Variants in CCDC90B observed in about 807,000 individuals in gnomAD.
CCDC90B encodes the protein coiled-coil domain containing 90B, also known as coiled-coil domain-containing protein 90B, mitochondrial.
In CCDC90B, 24 loss-of-function variants were observed where a neutral mutation model predicts 37.0. That is an observed-to-expected ratio of 0.65 (90% CI 0.47 to 0.91). The LOEUF (loss-of-function observed/expected upper bound fraction) is 0.91. Among genes scored for constraint, CCDC90B ranks in the 40% least tolerant of loss-of-function variants. The pLI, the probability that CCDC90B is intolerant of heterozygous loss-of-function variation, is 0.00. For missense variants in CCDC90B, 319 were observed against 299.0 expected, an observed-to-expected ratio of 1.07 and a Z score of -0.49; for synonymous variants, 113 against 101.1, an observed-to-expected ratio of 1.12 and a Z score of -0.71.
chr11:83,266,629 A>G (rs559308104), intron 7 of CCDC90B, among the ~76,000 whole-genome samples: 1 of 152,354 alleles, frequency 6.6e-6, no homozygotes, highest in Admixed American at 6.5e-5. Flanking sequence ...AGCCCACCAC[A>G]GCACAACAAT....
intron 1 of CCDC90B, among the ~76,000 whole-genome samples, chr11:83,284,905 G>A (rs915054699): frequency 1.4e-4 from 22 of 152,170 alleles, no homozygotes; most frequent in Admixed American, 1.2e-3. Flanking sequence ...CCATCATAAT[G>A]TGTATGTATG....
At chr11:83,269,380 T>G (rs911476819) in intron 7 of CCDC90B, among the ~76,000 whole-genome samples, 1 of 151,942 alleles carries the variant, frequency 6.6e-6, no homozygotes, top group Non-Finnish European at 1.5e-5. Context: ...GCTGGTTTTT[T>G]GAAAAGATCA....
chr11:83,265,931 C>A lies in CCDC90B; in HGVS notation c.643G>T (p.Ala215Ser). The change falls in exon 8 of 9, where the codon GCT becomes TCT. Residue 215 changes from alanine (A) to serine (S), a missense_variant. Ala to Ser is a moderately conservative substitution (Grantham distance 99). Coordinates refer to ENST00000529689, the MANE Select transcript of CCDC90B (RefSeq NM_021825.5). ...AGTGTTTTTAAGGAAGCAATTTCAGCGTCAATTTTATTACTGGTCTCTGAA... is the reference window on the plus strand; with the variant it reads ...AGTGTTTTTAAGGAAGCAATTTCAGAGTCAATTTTATTACTGGTCTCTGAA... Reference protein sequence around the residue: ...IISETSNKIDAEIASLKTLME... With the variant: ...IISETSNKIDSEIASLKTLME... 6.2e-7 allele frequency: 1 copy of A among 1,612,388 alleles called. No individual in the cohort carries two copies. The highest frequency in any genetic ancestry group is 8.5e-7 in the Non-Finnish European group (1 of 1,178,972).
intron 2 of CCDC90B, among the ~76,000 whole-genome samples, chr11:83,279,267 C>T (rs1050111560): frequency 6.0e-5 from 9 of 151,158 alleles, no homozygotes; most frequent in East Asian, 1.9e-4. Flanking sequence ...GGCAACAGAG[C>T]GAGACTCTGT....
intron 8 of CCDC90B, among the ~76,000 whole-genome samples, chr11:83,264,748 C>G (rs1355217022): frequency 6.6e-6 from 1 of 151,790 alleles, no homozygotes; most frequent in Non-Finnish European, 1.5e-5. Flanking sequence ...GAAAATGTGG[C>G]ACATATACAC....
chr11:83,263,072 T>C (rs976268697), intron 8 of CCDC90B, among the ~76,000 whole-genome samples: 4 of 152,068 alleles, frequency 2.6e-5, no homozygotes, highest in African/African-American at 9.7e-5. Flanking sequence ...CTAAGTGTAC[T>C]TGACTCCAAA....
At chr11:83,280,375 T>C in intron 1 of CCDC90B, 115 bp from the exon 2 acceptor site, 5 of 917,530 alleles carry the variant, frequency 5.4e-6, no homozygotes, top group East Asian at 5.0e-5. Context: ...CTTCTAGTTT[T>C]GTCATCTCAC....
At position 83,286,128 on chromosome 11, in the gene CCDC90B, A is replaced by ACG; in HGVS notation, c.-158_-157dup. On this transcript the variant is annotated 5_prime_UTR_variant, in exon 1 of 9. It introduces an in-frame stop codon into an upstream open reading frame of the 5' UTR. Transcript: ENST00000529689. ...CCAGCGCAGGCGCCACCGTGGTCCC[A>ACG]CGAAACTGGGTCTCTTCACAGACAG... 1 of 1,536,310 alleles carries ACG rather than the reference A, an allele frequency of 6.5e-7. No homozygotes were observed.
In CCDC90B at chr11:83,285,924, C is replaced by T; in HGVS notation, c.49G>A (p.Asp17Asn). The change falls in exon 1 of 9, where the codon GAT becomes AAT. Residue 17 changes from aspartate (D) to asparagine (N), a missense_variant. Transcript: ENST00000529689. The stretch of plus-strand genomic sequence containing the variant: ...CCGCGGGGCCTTGAAACCCAACGAT[C>T]TCCTCTGCCTTGGGAGAGAAAGAGC... ...WRLFLSQGRG[D>N]RWVSRPRGHF... 6.2e-7 allele frequency: 1 copy of T among 1,613,630 alleles called. No homozygotes were observed.
At chr11:83,285,616 G>A in intron 1 of CCDC90B, 1 of 1,340,322 alleles carries the variant, frequency 7.5e-7, no homozygotes, top group Non-Finnish European at 9.5e-7. Context: ...CAACGGCTGA[G>A]AAAGAAGCCG....
chr11:83,277,415 G>T (rs1007266361), intron 3 of CCDC90B, among the ~76,000 whole-genome samples: 1 of 152,114 alleles, frequency 6.6e-6, no homozygotes, highest in Non-Finnish European at 1.5e-5. Context: ...TGTAGGGATT[G>T]AATGTTTCAA....
rs777305873 is a variant in CCDC90B at position 83,285,996 on chromosome 11, G to A, written c.-24C>T. 1.1e-4 allele frequency: 181 copies of A among 1,597,018 alleles called. 3 individuals carry two copies. The South Asian group carries it at 1.9e-3, about 17-fold the overall frequency. ...ATGTCCTCAGAGTTTTCCGGTGGGA[G>A]GGAGGCGGAAGACGGGGTAAATCTC... On this transcript the variant is annotated 5_prime_UTR_variant, in exon 1 of 9. Transcript: ENST00000529689.
intron 7 of CCDC90B, among the ~76,000 whole-genome samples, chr11:83,270,459 A>G (rs898708859): frequency 3.3e-5 from 5 of 152,248 alleles, no homozygotes; most frequent in African/African-American, 1.2e-4. Context: ...AAGTCTCAGG[A>G]TACAAAATCA....
chr11:83,279,037 A>C (rs1026134191), intron 2 of CCDC90B, among the ~76,000 whole-genome samples: 1 of 152,162 alleles, frequency 6.6e-6, no homozygotes, highest in Non-Finnish European at 1.5e-5. Context: ...TAATCCCAGC[A>C]CTTTGGGAGG....
chr11:83,273,984 T>C lies in CCDC90B; in HGVS notation c.435A>G (p.Lys145=). ...ANLRAENEKM[K]IELDQVKQQL... is the part of the protein sequence containing the mutation. ...GTTGCTTAACTTGGTCTAATTCAATTTTCATTTTCTAGGTACAGGAAAGAT... is the reference window on the plus strand; with the variant it reads ...GTTGCTTAACTTGGTCTAATTCAATCTTCATTTTCTAGGTACAGGAAAGAT... Residue 145 remains lysine, a synonymous_variant, in exon 5 of 9, where the codon AAA becomes AAG. Transcript: ENST00000529689. 6.4e-7 allele frequency: 1 copy of C among 1,571,086 alleles called. No individual in the cohort carries two copies.
intron 7 of CCDC90B, among the ~76,000 whole-genome samples, chr11:83,270,162 A>G (rs867699927): frequency 6.6e-6 from 1 of 152,224 alleles, no homozygotes; most frequent in Non-Finnish European, 1.5e-5. Flanking sequence ...TCTCAAAACA[A>G]TAAGAGCTAT....
intron 7 of CCDC90B, among the ~76,000 whole-genome samples, 180 bp from the exon 8 acceptor site, chr11:83,266,159 C>G (rs1864255688): frequency 6.6e-6 from 1 of 152,170 alleles, no homozygotes; most frequent in South Asian, 2.1e-4. Context: ...CAAAAGGGAA[C>G]AGCTCCACTC....
intron 3 of CCDC90B, among the ~76,000 whole-genome samples, chr11:83,276,495 C>G (rs1865036026): frequency 6.6e-6 from 1 of 152,020 alleles, no homozygotes; most frequent in Admixed American, 6.6e-5. Context: ...CCACATGCAC[C>G]CACCATCATG....
intron 8 of CCDC90B, among the ~76,000 whole-genome samples, chr11:83,263,481 T>G (rs1167943653): frequency 1.3e-5 from 2 of 152,208 alleles, no homozygotes; most frequent in Non-Finnish European, 2.9e-5. Context: ...TGTAAAATGC[T>G]TAGGTGAGCA....
Sources: gnomAD v4.1 joint callset for allele counts (sites outside exome capture counted in the v4.1 genomes callset) on GRCh38, gnomAD v4.1.1 for gene constraint, MANE v1.5 for transcripts, NCBI Gene and HGNC (gene_info 2026-07-23, HGNC 2026-07-21) for gene names.